MGMT: variants seen among roughly 807,000 people sequenced by gnomAD.
MGMT encodes the protein methylated-DNA--protein-cysteine methyltransferase.
In MGMT, 14 loss-of-function variants were observed where a neutral mutation model predicts 15.9. The observed-to-expected ratio is 0.88, with a 90% CI of 0.58 to 1.37. MGMT has a LOEUF of 1.37. MGMT is among the 40% of genes most tolerant of loss of function. The pLI, the probability that MGMT is intolerant of heterozygous loss-of-function variation, is 0.00. For synonymous variants in MGMT, 130 were observed against 118.2 expected (o/e 1.10, Z -0.65); for missense variants, 282 against 268.1 (o/e 1.05, Z -0.36).
At chr10:129,519,540 T>G (rs1300160227) in intron 1 of MGMT, among the ~76,000 whole-genome samples, 1 of 152,172 alleles carries the variant, frequency 6.6e-6, no homozygotes, top group Non-Finnish European at 1.5e-5. Flanking sequence ...ACGAGACCTT[T>G]ACGGAGTTCA....
intron 2 of MGMT, among the ~76,000 whole-genome samples, chr10:129,561,387 A>G (rs1002791734): frequency 6.6e-6 from 1 of 152,100 alleles, no homozygotes; most frequent in African/African-American, 2.4e-5. Flanking sequence ...CCCATTCCAC[A>G]CGAGACCCCA....
chr10:129,557,340 G>A (rs1012641218), intron 2 of MGMT, among the ~76,000 whole-genome samples: 1 of 152,082 alleles, frequency 6.6e-6, no homozygotes, highest in African/African-American at 2.4e-5. Flanking sequence ...CTTTCCCTAA[G>A]GGTTTAACTG....
chr10:129,569,928 T>C (rs1846397924), intron 2 of MGMT, among the ~76,000 whole-genome samples: 1 of 152,252 alleles, frequency 6.6e-6, no homozygotes, highest in African/African-American at 2.4e-5. Context: ...CTTTTGATTT[T>C]ATCAGGAGAA....
At chr10:129,605,885 A>ATTT (rs570779181) in intron 2 of MGMT, among the ~76,000 whole-genome samples, 70 of 147,530 alleles carry the variant, frequency 4.7e-4, no homozygotes, top group Admixed American at 1.5e-3. Flanking sequence ...AAGAACGGTG[A>ATTT]TTTTTTTTTT....
intron 2 of MGMT, among the ~76,000 whole-genome samples, chr10:129,672,680 T>G (rs1429566010): frequency 2.0e-5 from 3 of 152,214 alleles, no homozygotes; most frequent in Non-Finnish European, 4.4e-5. Flanking sequence ...ATTTTCATTT[T>G]TTTAAATAGT....
In MGMT at chr10:129,706,148, C is replaced by T. The variant is rs184897554; in HGVS notation, c.126-1747C>T. ...ACAAAGTGCCCTTCCCGCCCTGACA[C>T]GCACAGTCCTTGCCCACCTTTCTGT... On this transcript the variant is annotated intron_variant, in intron 2 of 4. Transcript: ENST00000651593. Among the ~76,000 whole-genome samples, 9 of 152,334 alleles carry T rather than the reference C, an allele frequency of 5.9e-5. No individual in the cohort carries two copies. In the East Asian group the frequency reaches 1.4e-3, roughly 23 times the overall value.
chr10:129,547,940 T>C (rs1846115051), intron 2 of MGMT, among the ~76,000 whole-genome samples: 1 of 152,244 alleles, frequency 6.6e-6, no homozygotes, highest in Non-Finnish European at 1.5e-5. Context: ...GAAGCTGATG[T>C]GTCGTCCGGT....
intron 1 of MGMT, among the ~76,000 whole-genome samples, chr10:129,535,663 C>T (rs916927222): frequency 2.0e-5 from 3 of 152,200 alleles, no homozygotes; most frequent in Non-Finnish European, 2.9e-5. Flanking sequence ...TTGTACATCT[C>T]TTTAAATGTA....
At chr10:129,501,663 A>G (rs1589837897) in intron 1 of MGMT, among the ~76,000 whole-genome samples, 1 of 152,162 alleles carries the variant, frequency 6.6e-6, no homozygotes, top group African/African-American at 2.4e-5. Flanking sequence ...CCATCGAAGC[A>G]CCTGCCGCAG....
chr10:129,662,070 G>T (rs562670559), intron 2 of MGMT, among the ~76,000 whole-genome samples: 5 of 152,146 alleles, frequency 3.3e-5, no homozygotes, highest in Non-Finnish European at 7.4e-5. Flanking sequence ...ACAGTTCCAC[G>T]TGTAGAGGAT....
chr10:129,600,139 A>T (rs990313662), intron 2 of MGMT, among the ~76,000 whole-genome samples: 3 of 152,160 alleles, frequency 2.0e-5, no homozygotes, highest in African/African-American at 7.2e-5. Context: ...TAGTATCTCC[A>T]GGGATACAGC....
At chr10:129,483,223 A>G (rs1845376694) in intron 1 of MGMT, among the ~76,000 whole-genome samples, 1 of 152,152 alleles carries the variant, frequency 6.6e-6, no homozygotes, top group South Asian at 2.1e-4. Context: ...ATTTTTTGTT[A>G]TATTATTGCT....
chr10:129,735,132 A>G (rs1287185425), intron 3 of MGMT, among the ~76,000 whole-genome samples: 2 of 152,186 alleles, frequency 1.3e-5, no homozygotes, highest in African/African-American at 4.8e-5. Context: ...TTTCAGAAGC[A>G]ATGGTACCAG....
At chr10:129,561,067 G>A (rs1331398989) in intron 2 of MGMT, among the ~76,000 whole-genome samples, 4 of 151,818 alleles carry the variant, frequency 2.6e-5, no homozygotes, top group Admixed American at 6.6e-5. Flanking sequence ...CGCCCTTCAC[G>A]CCATTGAGAC....
At chr10:129,724,933 C>G (rs187346638) in intron 3 of MGMT, among the ~76,000 whole-genome samples, 26 of 152,172 alleles carry the variant, frequency 1.7e-4, no homozygotes, top group South Asian at 2.1e-4. Context: ...ATGGCCTCAG[C>G]GAGATACTGA....
In MGMT at chr10:129,536,330, G is replaced by A; in HGVS notation, c.78G>A (p.Gln26=). The A allele has an allele frequency of 6.2e-7, 1 of 1,614,136 alleles. No individual in the cohort carries two copies. Among genetic ancestry groups the A allele is most frequent in the Non-Finnish European group, 8.5e-7 (1 of 1,180,028 alleles). ...AGCTGGAGCTGTCTGGTTGTGAGCA[G>A]GGTCTGCACGAAATAAAGCTCCTGG... ...LGKLELSGCE[Q]GLHEIKLLGK... The change falls in exon 2 of 5, where the codon CAG becomes CAA. Residue 26 remains glutamine (Q), a synonymous_variant. Transcript: ENST00000651593.
chr10:129,730,780 C>CAGTT (rs1848486822), intron 3 of MGMT, among the ~76,000 whole-genome samples: 1 of 152,106 alleles, frequency 6.6e-6, no homozygotes, highest in Non-Finnish European at 1.5e-5. Flanking sequence ...ATTCAGAAGT[C>CAGTT]AGTTATTCAG....
intron 1 of MGMT, among the ~76,000 whole-genome samples, chr10:129,482,561 C>A (rs73378873): frequency 0.052 from 7,838 of 152,186 alleles, 697 homozygotes; most frequent in African/African-American, 0.18. Context: ...GTTCTTGGTT[C>A]ATCTGTTCTA....
chr10:129,758,292 G>A (rs532853822), intron 3 of MGMT, among the ~76,000 whole-genome samples: 82 of 152,220 alleles, frequency 5.4e-4, no homozygotes, highest in African/African-American at 1.3e-3. Context: ...GTTCCTGCCC[G>A]CGGAAGCCTT....
Sources: gnomAD v4.1 joint callset for allele counts (sites outside exome capture counted in the v4.1 genomes callset) on GRCh38, gnomAD v4.1.1 for gene constraint, MANE v1.5 for transcripts, NCBI Gene and HGNC (gene_info 2026-07-23, HGNC 2026-07-21) for gene names.